The following CTBP2 variants were observed in gnomAD, a reference collection of about 807,000 sequenced individuals.
CTBP2 encodes the protein C-terminal binding protein 2.
CTBP2 carries 30 observed loss-of-function variants against 80.3 expected under a neutral mutation model. The ratio of observed to expected loss-of-function variants is 0.37; its 90% CI spans 0.28 to 0.51. The LOEUF is 0.51. Among genes scored for constraint, CTBP2 ranks in the 20% least tolerant of loss-of-function variants. The pLI is 0.93. For synonymous variants in CTBP2, 594 were observed against 587.4 expected (o/e 1.01, Z -0.16); for missense variants, 1,212 against 1,375.3 (o/e 0.88, Z 1.88).
chr10:125,051,428 T>C (rs1269681861), intron 2 of CTBP2, among the ~76,000 whole-genome samples: 1 of 152,146 alleles, frequency 6.6e-6, no homozygotes, highest in Non-Finnish European at 1.5e-5. Context: ...TCACTTGAGG[T>C]CAGGAGTTTG....
chr10:125,094,796 G>GT (rs1242941597), intron 2 of CTBP2, among the ~76,000 whole-genome samples: 15 of 152,048 alleles, frequency 9.9e-5, no homozygotes, highest in African/African-American at 3.1e-4. Flanking sequence ...TAAAGGAATC[G>GT]TAAGTTGAAG....
At chr10:125,151,637 A>T (rs1284356251) in intron 1 of CTBP2, among the ~76,000 whole-genome samples, 1 of 152,066 alleles carries the variant, frequency 6.6e-6, no homozygotes, top group South Asian at 2.1e-4. Flanking sequence ...AGGAGTCCCC[A>T]TGAGTGCCCG....
chr10:125,121,647 C>T lies in CTBP2; in HGVS notation c.-205-10554G>A, dbSNP rs184637294. ...GCACCCAAAGACAGAACTGAATTCC[C>T]GGGTCCAAAATATATTCCCTCTAGA... is the stretch of plus-strand genomic sequence containing the variant. On this transcript the variant is annotated intron_variant, in intron 1 of 10. Transcript: ENST00000337195. 3.9e-5 allele frequency among the ~76,000 whole-genome samples: 6 copies of T among 152,292 alleles called. No homozygotes were observed. The East Asian group carries it at 7.7e-4, about 20-fold the overall frequency.
At chr10:125,098,655 GGGGAGAGAGAGAGAGAGAGAGA>G (rs1849945257) in intron 2 of CTBP2, among the ~76,000 whole-genome samples, 4 of 24,836 alleles carry the variant, frequency 1.6e-4, no homozygotes, top group South Asian at 1.3e-3. Context: ...AATGGGGGAG[GGGGAGAGAGAGAGAGAGAGAGA>G]GAGAGAGAGA....
chr10:125,026,949 C>T lies in CTBP2; in HGVS notation c.811G>A (p.Glu271Lys), dbSNP rs751727565. 5.0e-5 allele frequency: 81 copies of T among 1,613,936 alleles called. No individual in the cohort carries two copies. Among genetic ancestry groups the T allele is most frequent in the Non-Finnish European group, 6.3e-5 (74 of 1,180,010 alleles). The change falls in exon 1 of 9, where the codon GAG (glutamate) becomes AAG (lysine). Residue 271 changes from glutamate (E) to lysine (K), a missense_variant. Glu to Lys is a moderately conservative substitution (Grantham distance 56). Transcript: ENST00000309035. Reference sequence around the variant, plus strand: ...GTGGACAGGTCAGCTTCGTAAGTCTCGTAAGCCATCTTGGATGGGATGCTT... The same window carrying T: ...GTGGACAGGTCAGCTTCGTAAGTCTTGTAAGCCATCTTGGATGGGATGCTT...
intron 2 of CTBP2, among the ~76,000 whole-genome samples, chr10:125,089,284 T>C (rs1197112947): frequency 2.6e-5 from 4 of 152,220 alleles, no homozygotes; most frequent in Non-Finnish European, 4.4e-5. Flanking sequence ...TTTTTCAACA[T>C]CTGGAGATTC....
At chr10:125,024,806 A>G (rs1156246455) in intron 1 of CTBP2, among the ~76,000 whole-genome samples, 1 of 152,202 alleles carries the variant, frequency 6.6e-6, no homozygotes, top group Non-Finnish European at 1.5e-5. Flanking sequence ...AAATTATCTG[A>G]CGTCCCTCCT....
intron 2 of CTBP2, among the ~76,000 whole-genome samples, chr10:125,050,970 T>C (rs1294598854): frequency 6.6e-6 from 1 of 152,172 alleles, no homozygotes; most frequent in Non-Finnish European, 1.5e-5. Flanking sequence ...ATGGTGCCCA[T>C]GAATACAGTC....
At chr10:125,059,001 A>C (rs1296411483) in intron 2 of CTBP2, among the ~76,000 whole-genome samples, 1 of 152,158 alleles carries the variant, frequency 6.6e-6, no homozygotes, top group Non-Finnish European at 1.5e-5. Context: ...GGTGACGAGG[A>C]CCTTCAGGAG....
chr10:125,097,166 A>C (rs1251443950), intron 2 of CTBP2, among the ~76,000 whole-genome samples: 4 of 152,220 alleles, frequency 2.6e-5, no homozygotes, highest in African/African-American at 4.8e-5. Context: ...TGCTGACTCC[A>C]GATTATGTGT....
intron 2 of CTBP2, among the ~76,000 whole-genome samples, chr10:125,069,767 C>T (rs1163052301): frequency 6.6e-6 from 1 of 152,132 alleles, no homozygotes; most frequent in East Asian, 1.9e-4. Flanking sequence ...AGAGTCTCCC[C>T]TTTAATGGAG....
Position 124,993,284 on chromosome 10 carries a change from A to C in CTBP2, c.2577T>G (p.Thr859=). ...GCTCACTGTACCAGGCAGTGTGAGG[A>C]GTGCAGATGAGATTCGGGGCATCTT... The change falls in exon 7 of 9, where the codon ACT becomes ACG. Residue 859 remains threonine, a synonymous_variant. Coordinates refer to ENST00000309035, the MANE Select transcript of CTBP2 (RefSeq NM_022802.3). 6.2e-7 allele frequency: 1 copy of C among 1,610,672 alleles called. No individual in the cohort carries two copies. The highest frequency in any genetic ancestry group is 1.3e-5 in the African/African-American group (1 of 74,986).
Position 125,130,065 on chromosome 10 carries a change from G to A in CTBP2, c.-205-18972C>T, listed in dbSNP as rs545071994. ...TCTTTTTTTTTTTTTTTCTTCTTTT[G>A]AGACAGAGTTTCACTCTTGTTGCCC... On this transcript the variant is annotated intron_variant, in intron 1 of 10. Coordinates refer to the CTBP2 transcript ENST00000337195. 3.5e-4 allele frequency among the ~76,000 whole-genome samples: 49 copies of A among 138,096 alleles called. No homozygotes were observed. The Middle Eastern group carries it at 0.024, about 67-fold the overall frequency. 90.6% of individuals were successfully genotyped at this position (138,096 alleles called of 152,430 possible). A position where few individuals can be genotyped will look rare whatever the true frequency, so the allele number is the denominator to read the frequency against.
chr10:125,153,852 G>T (rs1693657), intron 1 of CTBP2, among the ~76,000 whole-genome samples: 110,691 of 151,794 alleles, frequency 0.73, 41,436 homozygotes, highest in African/African-American at 0.87. Flanking sequence ...GTCCTGGGAC[G>T]GGACAGATTG....
intron 2 of CTBP2, 32 bp downstream of exon 4, chr10:125,003,306 G>C: frequency 1.9e-6 from 3 of 1,604,004 alleles, no homozygotes; most frequent in Non-Finnish European, 8.5e-7. Context: ...CCCAAGGTCA[G>C]TGCAGGCCCC....
At chr10:125,015,957 C>A (rs777943712) in intron 1 of CTBP2, among the ~76,000 whole-genome samples, 10 of 152,188 alleles carry the variant, frequency 6.6e-5, no homozygotes, top group Non-Finnish European at 1.5e-4. Flanking sequence ...CACAGGCAAC[C>A]CAGAGATGGA....
chr10:125,000,050 T>C (rs1268831096), intron 3 of CTBP2: 1 of 152,146 alleles, frequency 6.6e-6, no homozygotes, highest in Non-Finnish European at 1.5e-5. Context: ...GGTGGGTGGG[T>C]GGCACAAAAA....
chr10:125,130,111 G>A (rs1202942805), intron 1 of CTBP2, among the ~76,000 whole-genome samples: 1 of 149,550 alleles, frequency 6.7e-6, no homozygotes, highest in African/African-American at 2.5e-5. Context: ...GTAATAGCAT[G>A]ATCTCGGCTC....
intron 3 of CTBP2, 38 bp downstream of exon 5, chr10:125,002,922 C>A: frequency 6.2e-7 from 1 of 1,607,708 alleles, no homozygotes; most frequent in South Asian, 1.1e-5. Context: ...CACAGAGCTC[C>A]GGACAACTCC....
Sources: allele counts gnomAD v4.1 joint callset (sites outside exome capture counted in the v4.1 genomes callset), GRCh38; gene constraint gnomAD v4.1.1; transcripts MANE v1.5; gene names NCBI Gene and HGNC (gene_info 2026-07-23, HGNC 2026-07-21).